Variants in CCDC192 observed in about 807,000 individuals in gnomAD.
CCDC192 encodes the protein coiled-coil domain containing 192.
chr5:127,729,391 T>TA (rs2126812966), intron 2 of CCDC192, among the ~76,000 whole-genome samples: 1 of 152,304 alleles, frequency 6.6e-6, no homozygotes, highest in South Asian at 2.1e-4. Flanking sequence ...CAAAGAGACT[T>TA]AGACTCCTAC....
At chr5:127,710,460 G>A (rs1751259770) in intron 2 of CCDC192, among the ~76,000 whole-genome samples, 1 of 152,114 alleles carries the variant, frequency 6.6e-6, no homozygotes, top group African/African-American at 2.4e-5. Context: ...TGTCTTGGTG[G>A]TTCTTTATTT....
chr5:127,777,348 A>C (rs1259158812), intron 3 of CCDC192, among the ~76,000 whole-genome samples: 1 of 152,088 alleles, frequency 6.6e-6, no homozygotes. Context: ...TGGTTGGGCC[A>C]ATTTCTCCCA....
chr5:127,799,396 C>T (rs1392014344), intron 5 of CCDC192, among the ~76,000 whole-genome samples: 1 of 152,132 alleles, frequency 6.6e-6, no homozygotes, highest in Non-Finnish European at 1.5e-5. Flanking sequence ...CTAAGGCTTG[C>T]ATTTGTAGCA....
At chr5:127,823,664 T>C (rs967681478) in intron 5 of CCDC192, among the ~76,000 whole-genome samples, 2 of 152,196 alleles carry the variant, frequency 1.3e-5, no homozygotes, top group African/African-American at 4.8e-5. Context: ...ACTGTTCTCA[T>C]TGGAAAGAGC....
At chr5:127,789,694 A>G (rs1188988695) in intron 3 of CCDC192, among the ~76,000 whole-genome samples, 2 of 152,264 alleles carry the variant, frequency 1.3e-5, no homozygotes, top group African/African-American at 4.8e-5. Flanking sequence ...GTGGGGGAAA[A>G]TGAAGAAAGT....
intron 2 of CCDC192, among the ~76,000 whole-genome samples, chr5:127,746,641 C>T (rs770291751): frequency 4.7e-5 from 7 of 150,504 alleles, no homozygotes; most frequent in Non-Finnish European, 1.0e-4. Context: ...ATTTTTGAAC[C>T]CATTTTTGAA....
chr5:127,757,268 T>C (rs1754653543), intron 3 of CCDC192, among the ~76,000 whole-genome samples: 1 of 152,224 alleles, frequency 6.6e-6, no homozygotes. Flanking sequence ...AGGATAGTTC[T>C]TGAAGTTGCC....
intron 3 of CCDC192, chr5:127,786,828 T>A (rs879114859): frequency 5.7e-6 from 3 of 527,658 alleles, no homozygotes; most frequent in Non-Finnish European, 1.1e-5. Flanking sequence ...TGTCTGCCCC[T>A]TTTTTGATGT....
At chr5:127,938,846 G>C (rs1407507133) in intron 6 of CCDC192, among the ~76,000 whole-genome samples, 1 of 152,132 alleles carries the variant, frequency 6.6e-6, no homozygotes, top group Non-Finnish European at 1.5e-5. Context: ...CAAATGAAAG[G>C]AAAGGTGAGA....
At chr5:127,786,346 A>AG (rs1756535538) in intron 3 of CCDC192, 3 of 632,612 alleles carry the variant, frequency 4.7e-6, no homozygotes, top group East Asian at 2.6e-5. Context: ...AGAAAAAAAA[A>AG]AGAGAGAGAT....
At chr5:127,915,683 A>G (rs757778041) in intron 6 of CCDC192, among the ~76,000 whole-genome samples, 110 of 152,220 alleles carry the variant, frequency 7.2e-4, no homozygotes, top group Non-Finnish European at 1.2e-3. Context: ...GCCCAGCAAT[A>G]CTTCATAAAC....
intron 3 of CCDC192, among the ~76,000 whole-genome samples, chr5:127,769,506 T>G (rs1755427932): frequency 6.6e-6 from 1 of 152,156 alleles, no homozygotes; most frequent in Non-Finnish European, 1.5e-5. Flanking sequence ...ATTTAAACTG[T>G]GGTACCTAAT....
chr5:127,772,110 ATAACAATATGTC>A (rs1755590261), intron 3 of CCDC192, among the ~76,000 whole-genome samples: 1 of 152,120 alleles, frequency 6.6e-6, no homozygotes, highest in South Asian at 2.1e-4. Flanking sequence ...ATCATCTTAT[ATAACAATATGTC>A]TATAGGTGGG....
At chr5:127,924,225 C>G (rs1488268304) in intron 6 of CCDC192, among the ~76,000 whole-genome samples, 1 of 152,186 alleles carries the variant, frequency 6.6e-6, no homozygotes, top group Non-Finnish European at 1.5e-5. Flanking sequence ...GTTTGAAGAA[C>G]TGAAGTGACC....
At chr5:127,816,105 A>G (rs1042048841) in intron 5 of CCDC192, among the ~76,000 whole-genome samples, 1 of 152,110 alleles carries the variant, frequency 6.6e-6, no homozygotes, top group African/African-American at 2.4e-5. Context: ...AGTAATGAGG[A>G]GGGGAGGGGC....
intron 2 of CCDC192, among the ~76,000 whole-genome samples, chr5:127,749,045 C>T (rs553737561): frequency 1.3e-5 from 2 of 152,184 alleles, no homozygotes; most frequent in African/African-American, 2.4e-5. Flanking sequence ...ACAATCATGT[C>T]ATCTGCAAAC....
At chr5:127,719,524 T>TATATATATATACACAC (rs1561444898) in intron 2 of CCDC192, among the ~76,000 whole-genome samples, 11 of 88,216 alleles carry the variant, frequency 1.2e-4, no homozygotes, top group Admixed American at 1.1e-3. Flanking sequence ...TATATATATA[T>TATATATATATACACAC]ACACACATAC....
chr5:127,814,774 A>T (rs1021874819), intron 5 of CCDC192, among the ~76,000 whole-genome samples: 2 of 152,188 alleles, frequency 1.3e-5, no homozygotes, highest in Non-Finnish European at 2.9e-5. Context: ...TTCAAGTCTG[A>T]CATGTTTGGA....
chr5:127,709,164 GGAGAGGGGGA>G lies in CCDC192; in HGVS notation c.114+1421_114+1430del, dbSNP rs1281151026. 6.4e-4 allele frequency among the ~76,000 whole-genome samples: 76 copies of G among 118,756 alleles called. 1 individual carries two copies. Among genetic ancestry groups the G allele is most frequent in the African/African-American group, 1.9e-3 (61 of 32,056 alleles). 77.9% of individuals were successfully genotyped at this position (118,756 alleles called of 152,430 possible). On this transcript the variant is annotated intron_variant, in intron 2 of 6. Transcript: ENST00000514853. Reference sequence around the variant, plus strand: ...GGAGAGAAAGAAGAGAGAGAGAGGGGGAGAGGGGGAGAGAGGGGGAGAGAGGTGGAGAGAG... The same window carrying G: ...GGAGAGAAAGAAGAGAGAGAGAGGGGGAGAGGGGGAGAGAGGTGGAGAGAG...
Sources: gnomAD v4.1 joint callset for allele counts (sites outside exome capture counted in the v4.1 genomes callset) on GRCh38, gnomAD v4.1.1 for gene constraint, MANE v1.5 for transcripts, NCBI Gene and HGNC (gene_info 2026-07-23, HGNC 2026-07-21) for gene names.